The following SH2D4B variants were observed in gnomAD, a reference collection of about 807,000 sequenced individuals.
SH2D4B encodes the protein SH2 domain containing 4B.
Under a neutral mutation model 61.5 loss-of-function variants are expected in SH2D4B, and 45 were observed. The observed-to-expected ratio is 0.73, with a 90% CI of 0.58 to 0.94. SH2D4B has a LOEUF of 0.94. Among genes scored for constraint, SH2D4B ranks in the 40% least tolerant of loss-of-function variants. SH2D4B has a pLI of 0.00. For synonymous variants in SH2D4B, 224 were observed against 220.4 expected, an observed-to-expected ratio of 1.02 and a Z score of -0.14; for missense variants, 572 against 574.2, an observed-to-expected ratio of 1.00 and a Z score of 0.04.
chr10:80,645,858 C>G lies in SH2D4B; in HGVS notation c.*1773C>G, dbSNP rs997513566. On this transcript the variant is annotated 3_prime_UTR_variant, in exon 8 of 8. Transcript: ENST00000646907. ...GGCTTCCCCCGGTCTACCTGTCTCA[C>G]TACATGCATAAAGTGAAATGATGGA... 1.3e-5 allele frequency: 2 copies of G among 152,164 alleles called. No homozygotes were observed. The highest frequency in any genetic ancestry group is 1.3e-4 in the Admixed American group (2 of 15,274). The allele number at this position is 152,164 out of a possible 1,614,324, so 9.4% of individuals were successfully genotyped here. A position where few individuals can be genotyped will look rare whatever the true frequency, so the allele number is the denominator to read the frequency against.
intron 3 of SH2D4B, among the ~76,000 whole-genome samples, chr10:80,577,370 A>G (rs1224167337): frequency 6.6e-6 from 1 of 152,114 alleles, no homozygotes; most frequent in Non-Finnish European, 1.5e-5. Flanking sequence ...TTCCTGAATT[A>G]TTAACCTGCA....
At chr10:80,543,775 C>T (rs576758120) in intron 1 of SH2D4B, among the ~76,000 whole-genome samples, 251 of 152,182 alleles carry the variant, frequency 1.6e-3, no homozygotes, top group Non-Finnish European at 3.0e-3. Context: ...GTAAACACAC[C>T]AATCAGCACC....
chr10:80,632,788 G>A (rs767935424), intron 6 of SH2D4B, among the ~76,000 whole-genome samples: 1 of 151,974 alleles, frequency 6.6e-6, no homozygotes, highest in South Asian at 2.1e-4. Flanking sequence ...AGGCCTTCTG[G>A]GGGGAAGCAG....
chr10:80,596,003 CTGT>C (rs1325673566), intron 4 of SH2D4B, among the ~76,000 whole-genome samples: 25 of 152,184 alleles, frequency 1.6e-4, no homozygotes, highest in Non-Finnish European at 3.7e-4. Context: ...TGGGTGGGGT[CTGT>C]TTATATTCAG....
intron 6 of SH2D4B, among the ~76,000 whole-genome samples, chr10:80,618,149 C>T (rs1265869068): frequency 6.6e-6 from 1 of 152,180 alleles, no homozygotes; most frequent in Non-Finnish European, 1.5e-5. Flanking sequence ...TCTGTGTTCA[C>T]CACAGAGGGA....
At position 80,634,436 on chromosome 10, in the gene SH2D4B, T is replaced by C. The variant is rs1842871166; in HGVS notation, c.1140T>C (p.Asp380=). 1 of 1,550,418 alleles carries C rather than the reference T, an allele frequency of 6.4e-7. No homozygotes were observed. The highest frequency in any genetic ancestry group is 8.7e-7 in the Non-Finnish European group (1 of 1,146,972). Residue 380 remains aspartate (D), a synonymous_variant, in exon 7 of 8, where the codon GAT becomes GAC. Coordinates refer to ENST00000646907, the MANE Select transcript of SH2D4B (RefSeq NM_001388272.1). ...FKHFLVDASG[D]FYSFLGVDPN... ...ACTTTCTTGTGGATGCTTCTGGGGA[T>C]TTTTACAGCTTCCTGGGAGTGGACC...
chr10:80,640,561 T>G (rs1840273785), intron 7 of SH2D4B, among the ~76,000 whole-genome samples: 1 of 152,210 alleles, frequency 6.6e-6, no homozygotes, highest in Non-Finnish European at 1.5e-5. Flanking sequence ...CTGATACCCT[T>G]TCTTCCACTT....
rs71310969 is a variant in SH2D4B at position 80,634,263 on chromosome 10, G to GTT, written c.989-16_989-15dup. ...GTCGCAGAACCTGCTGTGTTTTTTT[G>GTT]TTTTTTTCTATTTTAAATCAGGAAT... On this transcript the variant is annotated intron_variant, in intron 6 of 7. Transcript: ENST00000646907. The GTT allele has an allele frequency of 3.4e-5, 50 of 1,490,654 alleles. No individual in the cohort carries two copies. The East Asian group carries it at 5.2e-4, about 16-fold the overall frequency. 92.3% of individuals were successfully genotyped at this position (1,490,654 alleles called of 1,614,324 possible).
rs193281397 is a variant in SH2D4B, at chr10:80,555,679, C to A, written c.185-14475C>A. ...AATTGCTAATATCTCTGCTGTGAAC[C>A]GTTTTGTCCTAGTCGGCCTGAAGCT... On this transcript the variant is annotated intron_variant, in intron 1 of 7. Coordinates refer to ENST00000646907, the MANE Select transcript of SH2D4B (RefSeq NM_001388272.1). Among the ~76,000 whole-genome samples, 11 of 152,254 alleles carry A rather than the reference C, an allele frequency of 7.2e-5. No individual in the cohort carries two copies. In the East Asian group the frequency reaches 1.4e-3, roughly 19 times the overall value.
At chr10:80,639,757 T>C (rs1026610877) in intron 7 of SH2D4B, among the ~76,000 whole-genome samples, 1 of 152,242 alleles carries the variant, frequency 6.6e-6, no homozygotes, top group Admixed American at 6.5e-5. Flanking sequence ...TGTCTTTTAA[T>C]TGGGGCATTT....
intron 3 of SH2D4B, among the ~76,000 whole-genome samples, chr10:80,583,177 G>A (rs781265047): frequency 4.6e-5 from 7 of 152,092 alleles, no homozygotes; most frequent in Non-Finnish European, 8.8e-5. Flanking sequence ...AGAGCACATG[G>A]GAAGAAAATG....
rs761813748 is a variant in SH2D4B at position 80,571,502 on chromosome 10, C to T, written c.419C>T (p.Ala140Val). Residue 140 changes from alanine to valine, a missense_variant, in exon 3 of 8, where the codon GCG (alanine) becomes GTG (valine). Transcript: ENST00000646907. ...ALANEKARIL[A>V]EKWKVEMEDR... ...GCCAATGAGAAAGCCCGGATCTTGG[C>T]GGAGAAGTGGAAAGTGGAGATGGAA... The T allele has an allele frequency of 3.1e-6, 5 of 1,614,086 alleles. No individual in the cohort carries two copies. The highest frequency in any genetic ancestry group is 2.2e-5 in the East Asian group (1 of 44,862).
At chr10:80,636,093 C>A (rs529574211) in intron 7 of SH2D4B, among the ~76,000 whole-genome samples, 72 of 152,264 alleles carry the variant, frequency 4.7e-4, no homozygotes, top group African/African-American at 1.7e-3. Context: ...TGATGGTTTC[C>A]AGCTTCATCC....
intron 1 of SH2D4B, among the ~76,000 whole-genome samples, chr10:80,554,174 T>G (rs1476917587): frequency 6.6e-6 from 1 of 152,226 alleles, no homozygotes; most frequent in African/African-American, 2.4e-5. Flanking sequence ...ACAAAAGGCA[T>G]CTGTGTTAAG....
intron 4 of SH2D4B, among the ~76,000 whole-genome samples, chr10:80,594,857 G>T (rs1842368906): frequency 6.6e-6 from 1 of 151,980 alleles, no homozygotes; most frequent in South Asian, 2.1e-4. Flanking sequence ...AATTAATTTG[G>T]TGCCAGTCCT....
At chr10:80,562,925 G>T (rs796641908) in intron 1 of SH2D4B, among the ~76,000 whole-genome samples, 1,438 of 128,794 alleles carry the variant, frequency 0.011, 31 homozygotes, top group African/African-American at 0.04. Context: ...TTTTTGAGAC[G>T]GAGTCTCGCT....
At position 80,578,845 on chromosome 10, in the gene SH2D4B, GACA is replaced by G. The variant is rs200378624; in HGVS notation, c.495+7270_495+7272del. Among the ~76,000 whole-genome samples the G allele has an allele frequency of 1.3e-4, 20 of 152,326 alleles. No individual in the cohort carries two copies. The East Asian group carries it at 1.3e-3, about 10-fold the overall frequency. The stretch of plus-strand genomic sequence containing the variant: ...GAGCAAGGGTCTGGACAGAGTCTAT[GACA>G]ACGAGGAAGGAGAGAAGGGATGGAT... On this transcript the variant is annotated intron_variant, in intron 3 of 7. Coordinates refer to ENST00000646907, the MANE Select transcript of SH2D4B (RefSeq NM_001388272.1).
chr10:80,593,452 G>A (rs1842354441), intron 4 of SH2D4B, among the ~76,000 whole-genome samples: 2 of 152,266 alleles, frequency 1.3e-5, no homozygotes, highest in South Asian at 2.1e-4. Flanking sequence ...TATTCTTTCT[G>A]ATGCTATTAT....
At chr10:80,577,917 G>A (rs1407090946) in intron 3 of SH2D4B, among the ~76,000 whole-genome samples, 1 of 152,016 alleles carries the variant, frequency 6.6e-6, no homozygotes, top group Non-Finnish European at 1.5e-5. Context: ...ACCAAAAACA[G>A]CTTCACCAAG....
Sources: gnomAD v4.1 joint callset for allele counts (sites outside exome capture counted in the v4.1 genomes callset) on GRCh38, gnomAD v4.1.1 for gene constraint, MANE v1.5 for transcripts, NCBI Gene and HGNC (gene_info 2026-07-23, HGNC 2026-07-21) for gene names.